The following ALKBH4 variants were observed in gnomAD, a reference collection of about 807,000 sequenced individuals.
ALKBH4 encodes alkB homolog 4, lysine demethylase.
A neutral mutation model predicts 12.1 loss-of-function variants in ALKBH4; 8 were observed. That is an observed-to-expected ratio of 0.66 (90% confidence interval 0.39 to 1.19). The LOEUF (loss-of-function observed/expected upper bound fraction) is 1.19, where lower values mean the gene tolerates loss of function less well. ALKBH4 is among the 50% of genes most tolerant of loss of function. The probability of loss-of-function intolerance (pLI) is 0.01; values close to 1 mark genes in which losing one functional copy is unlikely to be tolerated. For missense variants in ALKBH4, 403 were observed against 430.4 expected (o/e 0.94, Z 0.56); for synonymous variants, 195 against 191.6 (o/e 1.02, Z -0.15).
intron 1 of ALKBH4, among the ~76,000 whole-genome samples, chr7:102,462,262 C>T (rs1797815812): frequency 6.6e-6 from 1 of 152,210 alleles, no homozygotes; most frequent in African/African-American, 2.4e-5. Context: ...TGCCCCAGTG[C>T]CCTGAGATCC....
At position 102,457,321 on chromosome 7, in the gene ALKBH4, G is replaced by C. The variant is rs1438268128; in HGVS notation, c.*73C>G. 2 of 1,489,318 alleles carry C rather than the reference G, an allele frequency of 1.3e-6. No homozygotes were observed. The highest frequency in any genetic ancestry group is 9.2e-7 in the Non-Finnish European group (1 of 1,091,676). The allele number at this position is 1,489,318 out of a possible 1,614,324, so 92.3% of individuals were successfully genotyped here. A position where few individuals can be genotyped will look rare whatever the true frequency, so the allele number is the denominator to read the frequency against. ...GCCATCTTCTCTTGAAACCCCGTGA[G>C]TTGCAGGAGGCCCTGTTCTGTGCTC... On this transcript the variant is annotated 3_prime_UTR_variant, in exon 3 of 3. Coordinates refer to ENST00000292566, the MANE Select transcript of ALKBH4 (RefSeq NM_017621.4). The surrounding 1 kb of genome is among the most constrained non-coding windows in gnomAD (Gnocchi z 5.9).
chr7:102,462,569 T>C (rs1301663177), intron 1 of ALKBH4, among the ~76,000 whole-genome samples: 1 of 152,134 alleles, frequency 6.6e-6, no homozygotes, highest in Non-Finnish European at 1.5e-5. Context: ...GGTCTTGCTA[T>C]GTTGTCCAAG....
intron 1 of ALKBH4, among the ~76,000 whole-genome samples, chr7:102,460,429 C>T (rs941594009): frequency 4.6e-5 from 7 of 152,166 alleles, no homozygotes; most frequent in Admixed American, 4.6e-4. Flanking sequence ...TCATTCCTCC[C>T]CTCAGGACAC....
rs150409598 is a variant in ALKBH4 at position 102,457,588 on chromosome 7, G to A, written c.715C>T (p.Arg239Cys). 491 of 1,605,082 alleles carry A rather than the reference G, an allele frequency of 3.1e-4. 1 individual carries two copies. The African/African-American group carries it at 5.6e-3, about 18-fold the overall frequency. The change falls in exon 3 of 3, where the codon CGC becomes TGC. Residue 239 changes from arginine to cysteine, a missense_variant. Transcript: ENST00000292566. This position sits in a 1 kb window ranked among gnomAD's most constrained non-coding sequence, Gnocchi z 5.9. The part of the protein sequence containing the change: ...EVEVAIPLPA[R>C]SLLVLTGAAR... ...GCCCCGGTGAGGACCAGCAGGGAGC[G>A]GGCGGGTAAGGGGATGGCCACCTCC...
chr7:102,458,641 G>A (rs1231823926), intron 2 of ALKBH4, among the ~76,000 whole-genome samples: 1 of 151,898 alleles, frequency 6.6e-6, no homozygotes, highest in Non-Finnish European at 1.5e-5. Context: ...AGGAGGCTGA[G>A]GTAGGAGGAT....
At chr7:102,460,015 A>G (rs572436375) in intron 1 of ALKBH4, among the ~76,000 whole-genome samples, 176 of 152,136 alleles carry the variant, frequency 1.2e-3, no homozygotes, top group Non-Finnish European at 2.2e-3. Context: ...TTAGCCAGGC[A>G]TGGTGGCAGG....
In ALKBH4 at chr7:102,457,680, G is replaced by A. The variant is rs544559313; in HGVS notation, c.623C>T (p.Ser208Leu). The A allele has an allele frequency of 6.4e-6, 10 of 1,557,522 alleles. No homozygotes were observed. Among genetic ancestry groups the A allele is most frequent in the Admixed American group, 3.8e-5 (2 of 53,196 alleles). The change falls in exon 3 of 3, where the codon TCG becomes TTG. Residue 208 changes from serine (S) to leucine (L), a missense_variant. Ser to Leu is a moderately radical substitution (Grantham distance 145, BLOSUM62 -2). Coordinates refer to ENST00000292566, the MANE Select transcript of ALKBH4 (RefSeq NM_017621.4). This position sits in a 1 kb window ranked among gnomAD's most constrained non-coding sequence, Gnocchi z 5.9. ...PGSLLLCSAP[S>L]AAPEALVDSV... ...GTCCACCAAGGCCTCCGGGGCAGCCGACGGGGCCGAGCAGAGGAGCAGGCT... is the reference window on the plus strand; with the variant it reads ...GTCCACCAAGGCCTCCGGGGCAGCCAACGGGGCCGAGCAGAGGAGCAGGCT...
At chr7:102,462,439 CT>C (rs1797818904) in intron 1 of ALKBH4, among the ~76,000 whole-genome samples, 2 of 152,216 alleles carry the variant, frequency 1.3e-5, no homozygotes, top group Admixed American at 6.5e-5. Context: ...GCGCTCACAG[CT>C]CACTGCAGCC....
chr7:102,464,341 C>T (rs1797883761), intron 1 of ALKBH4, among the ~76,000 whole-genome samples: 1 of 152,164 alleles, frequency 6.6e-6, no homozygotes, highest in East Asian at 1.9e-4. Context: ...TTCACTGTCT[C>T]CTTGCCCATT....
At chr7:102,462,567 T>C (rs931069759) in intron 1 of ALKBH4, among the ~76,000 whole-genome samples, 1 of 152,036 alleles carries the variant, frequency 6.6e-6, no homozygotes. Flanking sequence ...AGGGTCTTGC[T>C]ATGTTGTCCA....
At position 102,457,719 on chromosome 7, in the gene ALKBH4, C is replaced by A; in HGVS notation, c.584G>T (p.Arg195Leu). The A allele has an allele frequency of 6.4e-7, 1 of 1,562,232 alleles. No individual in the cohort carries two copies. Among genetic ancestry groups the A allele is most frequent in the Non-Finnish European group, 8.6e-7 (1 of 1,157,650 alleles). The change falls in exon 3 of 3, where the codon CGG (arginine) becomes CTG (leucine). Residue 195 changes from arginine to leucine, a missense_variant. Coordinates refer to ENST00000292566, the MANE Select transcript of ALKBH4 (RefSeq NM_017621.4). The surrounding 1 kb of genome is among the most constrained non-coding windows in gnomAD (Gnocchi z 5.9). ...GAGGAGCAGGCTCCCGGGCGCCTCC[C>A]GACACATGGACAGCACGGTGGGGGA... ...LLSPTVLSMC[R>L]EAPGSLLLCS...
intron 1 of ALKBH4, among the ~76,000 whole-genome samples, chr7:102,462,443 C>T (rs1586731995): frequency 6.6e-6 from 1 of 152,138 alleles, no homozygotes; most frequent in East Asian, 1.9e-4. Context: ...TCACAGCTCA[C>T]TGCAGCCTTG....
Position 102,457,287 on chromosome 7 carries a change from CAG to C in ALKBH4, c.*105_*106del. 1 of 1,295,272 alleles carries C rather than the reference CAG, an allele frequency of 7.7e-7. No homozygotes were observed. The highest frequency in any genetic ancestry group is 2.4e-5 in the East Asian group (1 of 42,426). The allele number at this position is 1,295,272 out of a possible 1,614,324, so 80.2% of individuals were successfully genotyped here. A position where few individuals can be genotyped will look rare whatever the true frequency, so the allele number is the denominator to read the frequency against. On this transcript the variant is annotated 3_prime_UTR_variant, in exon 3 of 3. Transcript: ENST00000292566. The surrounding 1 kb of genome is among the most constrained non-coding windows in gnomAD (Gnocchi z 5.9). Reference sequence around the variant, plus strand: ...GCAGGGCTCACACTGCTCACAGCATCAGGGGTCAGCCATCTTCTCTTGAAACC... The same window carrying C: ...GCAGGGCTCACACTGCTCACAGCATCGGGTCAGCCATCTTCTCTTGAAACC...
chr7:102,460,903 G>A (rs1265706163), intron 1 of ALKBH4, among the ~76,000 whole-genome samples: 2 of 152,092 alleles, frequency 1.3e-5, no homozygotes, highest in Non-Finnish European at 2.9e-5. Flanking sequence ...CTTGTCCTCA[G>A]GGCACCTTTC....
intron 1 of ALKBH4, among the ~76,000 whole-genome samples, 171 bp downstream of exon 1, chr7:102,464,543 C>T (rs573873515): frequency 1.1e-3 from 171 of 152,294 alleles, no homozygotes; most frequent in Non-Finnish European, 2.0e-3. Context: ...CCAGCTCCTT[C>T]CCCACTCCCA....
At chr7:102,462,403 T>C (rs913903760) in intron 1 of ALKBH4, among the ~76,000 whole-genome samples, 1 of 152,146 alleles carries the variant, frequency 6.6e-6, no homozygotes, top group Non-Finnish European at 1.5e-5. Context: ...AGGGTCTCGC[T>C]CTGTCACTCA....
intron 1 of ALKBH4, among the ~76,000 whole-genome samples, chr7:102,460,531 C>T (rs1413063556): frequency 1.3e-5 from 2 of 152,150 alleles, no homozygotes; most frequent in Non-Finnish European, 2.9e-5. Flanking sequence ...TGAGCTAACA[C>T]GAATTTGATT....
rs901314579 is a variant in ALKBH4, at chr7:102,459,681, G to A, written c.244C>T (p.Arg82Trp). 2.7e-5 allele frequency: 44 copies of A among 1,614,030 alleles called. No homozygotes were observed. Among genetic ancestry groups the A allele is most frequent in the South Asian group, 4.4e-5 (4 of 91,090 alleles). The change falls in exon 2 of 3, where the codon CGG (arginine) becomes TGG (tryptophan). Residue 82 changes from arginine (R) to tryptophan (W), a missense_variant. By Grantham distance (101) the Arg-to-Trp change is moderately radical. Coordinates refer to ENST00000292566, the MANE Select transcript of ALKBH4 (RefSeq NM_017621.4). ...GVMLIEDFVTREEEAELVRLM... is the reference protein window; with the variant it reads ...GVMLIEDFVTWEEEAELVRLM... The stretch of plus-strand genomic sequence containing the variant: ...CGCACCAACTCGGCTTCTTCCTCCC[G>A]GGTCACAAAGTCCTCGATCAGCATC...
chr7:102,461,088 A>G (rs1343062365), intron 1 of ALKBH4, among the ~76,000 whole-genome samples: 1 of 152,014 alleles, frequency 6.6e-6, no homozygotes, highest in African/African-American at 2.4e-5. Flanking sequence ...TGTAATCCCA[A>G]CACTTTGGGA....
Sources: gnomAD v4.1 joint callset for allele counts (sites outside exome capture counted in the v4.1 genomes callset) on GRCh38, gnomAD v4.1.1 for gene constraint, Gnocchi (gnomAD v3.1) non-coding constraint, MANE v1.5 for transcripts, NCBI Gene and HGNC (gene_info 2026-07-23, HGNC 2026-07-21) for gene names.